The following MTUS2 variants were observed in gnomAD, a reference collection of about 807,000 sequenced individuals.
The protein encoded by MTUS2 is microtubule-associated tumor suppressor candidate 2.
MTUS2 carries 40 observed loss-of-function variants against 114.1 expected under a neutral mutation model. That is an observed-to-expected ratio of 0.35 (90% CI 0.27 to 0.46). The LOEUF (loss-of-function observed/expected upper bound fraction) is 0.46. Ranked by LOEUF, MTUS2 falls within the 20% of genes least tolerant of loss-of-function variation. MTUS2 has a pLI of 1.00. For synonymous variants in MTUS2, 688 were observed against 672.0 expected, an observed-to-expected ratio of 1.02 and a Z score of -0.37; for missense variants, 1,679 against 1,705.4, an observed-to-expected ratio of 0.98 and a Z score of 0.27.
chr13:29,082,717 C>T (rs1358507663), intron 4 of MTUS2, among the ~76,000 whole-genome samples: 5 of 152,098 alleles, frequency 3.3e-5, no homozygotes, highest in African/African-American at 1.2e-4. Context: ...TGGAGGGTCA[C>T]GGGTTCAGAG....
intron 2 of MTUS2, among the ~76,000 whole-genome samples, chr13:28,903,707 A>T (rs528054758): frequency 0.017 from 2,650 of 152,062 alleles, 78 homozygotes; most frequent in African/African-American, 0.061. Context: ...TATTGTGAAT[A>T]GTGCCGCAAT....
chr13:29,473,864 A>G (rs1376828689), intron 9 of MTUS2, among the ~76,000 whole-genome samples: 3 of 68,422 alleles, frequency 4.4e-5, no homozygotes, highest in Non-Finnish European at 1.5e-4. Context: ...TTACGTGAGT[A>G]GAAATAAATA....
chr13:28,934,957 C>G (rs1371785560), intron 2 of MTUS2, among the ~76,000 whole-genome samples: 1 of 150,272 alleles, frequency 6.7e-6, no homozygotes, highest in African/African-American at 2.5e-5. Flanking sequence ...CCTGGTACCC[C>G]TGCCAGCCCT....
chr13:28,862,923 T>C (rs1005344448), intron 2 of MTUS2, among the ~76,000 whole-genome samples: 5 of 152,216 alleles, frequency 3.3e-5, no homozygotes, highest in African/African-American at 1.2e-4. Flanking sequence ...TGATTCTTCC[T>C]TTTCTCTATT....
At chr13:29,207,626 A>G (rs951761003) in intron 5 of MTUS2, among the ~76,000 whole-genome samples, 8 of 152,086 alleles carry the variant, frequency 5.3e-5, no homozygotes, top group Non-Finnish European at 1.2e-4. Context: ...GAGGGTTTTA[A>G]TATAAAGGGA....
intron 5 of MTUS2, among the ~76,000 whole-genome samples, chr13:29,108,668 A>G (rs78291592): frequency 0.025 from 3,762 of 152,248 alleles, 173 homozygotes; most frequent in African/African-American, 0.086. Flanking sequence ...CATGCAGGGA[A>G]ATGTTAGCAT....
intron 2 of MTUS2, among the ~76,000 whole-genome samples, chr13:28,877,658 C>T (rs962467828): frequency 2.0e-5 from 3 of 152,090 alleles, no homozygotes; most frequent in South Asian, 2.1e-4. Context: ...CTGTGACTAA[C>T]GTAGTGATGA....
At chr13:29,136,250 T>C (rs1891973088) in intron 5 of MTUS2, among the ~76,000 whole-genome samples, 1 of 152,222 alleles carries the variant, frequency 6.6e-6, no homozygotes, top group African/African-American at 2.4e-5. Flanking sequence ...TAATTTCTCC[T>C]CACTTTTAAA....
At chr13:29,194,645 T>C (rs1217560663) in intron 5 of MTUS2, among the ~76,000 whole-genome samples, 7 of 148,176 alleles carry the variant, frequency 4.7e-5, no homozygotes, top group African/African-American at 7.4e-5. Flanking sequence ...ACACTGTTGG[T>C]GGGACTGTAA....
At chr13:29,250,270 TG>T (rs1897076622) in intron 5 of MTUS2, 1 of 152,122 alleles carries the variant, frequency 6.6e-6, no homozygotes, top group Admixed American at 6.6e-5. Context: ...GACCAGGGCA[TG>T]TTCATTCAGT....
intron 10 of MTUS2, among the ~76,000 whole-genome samples, chr13:29,482,824 G>T (rs562216232): frequency 6.6e-6 from 1 of 152,214 alleles, no homozygotes; most frequent in African/African-American, 2.4e-5. Flanking sequence ...TGGTTTGGGG[G>T]AACCGGAGAG....
intron 5 of MTUS2, among the ~76,000 whole-genome samples, chr13:29,138,112 C>G (rs767102548): frequency 3.3e-5 from 5 of 152,126 alleles, no homozygotes; most frequent in Non-Finnish European, 7.4e-5. Context: ...TTTACTCACT[C>G]CAGCTCCTGC....
intron 1 of MTUS2, among the ~76,000 whole-genome samples, chr13:28,830,572 T>C (rs1397189918): frequency 6.6e-6 from 1 of 151,798 alleles, no homozygotes; most frequent in Admixed American, 6.6e-5. Context: ...ATCGGCAAAC[T>C]TGAAAATAAA....
At chr13:28,875,064 A>C (rs1366049159) in intron 2 of MTUS2, among the ~76,000 whole-genome samples, 1 of 152,252 alleles carries the variant, frequency 6.6e-6, no homozygotes, top group Non-Finnish European at 1.5e-5. Flanking sequence ...CAGCTAGCAC[A>C]GTACTTGGTA....
At chr13:29,258,366 T>C (rs1304221966) in intron 5 of MTUS2, among the ~76,000 whole-genome samples, 1 of 152,196 alleles carries the variant, frequency 6.6e-6, no homozygotes, top group Non-Finnish European at 1.5e-5. Flanking sequence ...TTCAACTTTC[T>C]CTTCTGCTTC....
chr13:29,197,433 G>A (rs1894750065), intron 5 of MTUS2, among the ~76,000 whole-genome samples: 1 of 152,142 alleles, frequency 6.6e-6, no homozygotes, highest in Non-Finnish European at 1.5e-5. Context: ...ATTCCATGGT[G>A]TATATGTGCC....
At chr13:28,928,193 A>G (rs1881427067) in intron 2 of MTUS2, among the ~76,000 whole-genome samples, 1 of 150,870 alleles carries the variant, frequency 6.6e-6, no homozygotes, top group Admixed American at 6.6e-5. Flanking sequence ...TGACATGGGT[A>G]AAAAAAAAAT....
intron 5 of MTUS2, among the ~76,000 whole-genome samples, chr13:29,279,435 G>A (rs1315556628): frequency 6.6e-6 from 1 of 152,188 alleles, no homozygotes; most frequent in Non-Finnish European, 1.5e-5. Flanking sequence ...CACACAAGCA[G>A]TTTATTTCCA....
intron 5 of MTUS2, among the ~76,000 whole-genome samples, chr13:29,157,695 C>T (rs1192845100): frequency 6.6e-6 from 1 of 152,120 alleles, no homozygotes; most frequent in Non-Finnish European, 1.5e-5. Flanking sequence ...TGTATGTGGC[C>T]ACTAAGTCAG....
Sources: gnomAD v4.1 joint callset for allele counts (sites outside exome capture counted in the v4.1 genomes callset) on GRCh38, gnomAD v4.1.1 for gene constraint, MANE v1.5 for transcripts, NCBI Gene and HGNC (gene_info 2026-07-23, HGNC 2026-07-21) for gene names.